Variants in ELOVL7 observed in about 807,000 individuals in gnomAD.
ELOVL7 encodes the protein ELOVL fatty acid elongase 7, also known as very long chain fatty acid elongase 7.
ELOVL7 carries 27 observed loss-of-function variants against 35.7 expected under a neutral mutation model. The observed-to-expected ratio is 0.76, with a 90% confidence interval of 0.56 to 1.04. The LOEUF is 1.04. ELOVL7 is among the 50% of genes least tolerant of loss of function. ELOVL7 has a pLI of 0.00. For missense variants in ELOVL7, 327 were observed against 340.8 expected (o/e 0.96, Z 0.32); for synonymous variants, 113 against 114.6 (o/e 0.99, Z 0.09).
At chr5:60,778,292 T>C (rs1470548173) in intron 3 of ELOVL7, among the ~76,000 whole-genome samples, 1 of 152,194 alleles carries the variant, frequency 6.6e-6, no homozygotes, top group East Asian at 1.9e-4. Flanking sequence ...TTAGAACTGA[T>C]CAAACTTTGA....
At chr5:60,830,335 GA>G (rs1746407675) in intron 1 of ELOVL7, among the ~76,000 whole-genome samples, 1 of 152,150 alleles carries the variant, frequency 6.6e-6, no homozygotes, top group Non-Finnish European at 1.5e-5. Flanking sequence ...AAGTGATGAA[GA>G]AAATAAAGCA....
Position 60,751,994 on chromosome 5 carries a change from A to G in ELOVL7, c.*2630T>C, listed in dbSNP as rs916304038. 4 of 152,196 alleles carry G rather than the reference A, an allele frequency of 2.6e-5. No homozygotes were observed. The highest frequency in any genetic ancestry group is 5.9e-5 in the Non-Finnish European group (4 of 68,040). The allele number at this position is 152,196 out of a possible 1,614,324, so 9.4% of individuals were successfully genotyped here. On this transcript the variant is annotated 3_prime_UTR_variant, in exon 9 of 9. Transcript: ENST00000508821. ...AAATCTATATTTGTATTTATTTATA[A>G]TATAGATATAGGCCCTCAAGGATTC...
At chr5:60,838,838 A>G (rs1355696444) in intron 1 of ELOVL7, among the ~76,000 whole-genome samples, 1 of 151,598 alleles carries the variant, frequency 6.6e-6, no homozygotes, top group East Asian at 1.9e-4. Flanking sequence ...AGCCTGGCCA[A>G]CATAGTGAAA....
At chr5:60,764,733 A>C (rs1742134816) in intron 6 of ELOVL7, among the ~76,000 whole-genome samples, 1 of 152,196 alleles carries the variant, frequency 6.6e-6, no homozygotes, top group Non-Finnish European at 1.5e-5. Context: ...AATACATCTT[A>C]CTGATATGGA....
chr5:60,819,498 T>C (rs139141059), intron 1 of ELOVL7, among the ~76,000 whole-genome samples: 3 of 152,204 alleles, frequency 2.0e-5, no homozygotes, highest in African/African-American at 4.8e-5. Context: ...ACCACGATCA[T>C]AGGCTGGGAA....
chr5:60,801,021 G>A (rs901452980), intron 1 of ELOVL7, among the ~76,000 whole-genome samples: 2 of 152,142 alleles, frequency 1.3e-5, no homozygotes, highest in Non-Finnish European at 2.9e-5. Flanking sequence ...TTGATCTCCT[G>A]GGCTAAGGAA....
chr5:60,789,745 A>T (rs1212620926), intron 2 of ELOVL7, among the ~76,000 whole-genome samples: 2 of 152,252 alleles, frequency 1.3e-5, no homozygotes, highest in East Asian at 3.8e-4. Flanking sequence ...ATAAGTGATA[A>T]CAGATTTAAC....
intron 7 of ELOVL7, 22 bp from the exon 8 acceptor site, chr5:60,757,667 A>G (rs1741626750): frequency 6.5e-7 from 1 of 1,533,718 alleles, no homozygotes; most frequent in Admixed American, 1.8e-5. Flanking sequence ...AATTATTGTA[A>G]CATGGGGCCA....
At chr5:60,789,060 TTAAG>T (rs1579842123) in intron 2 of ELOVL7, among the ~76,000 whole-genome samples, 1 of 151,738 alleles carries the variant, frequency 6.6e-6, no homozygotes, top group South Asian at 2.1e-4. Flanking sequence ...AAGCAAATAT[TTAAG>T]TAAGAACAAC....
chr5:60,815,887 T>C (rs1745487939), intron 1 of ELOVL7, among the ~76,000 whole-genome samples: 1 of 152,202 alleles, frequency 6.6e-6, no homozygotes, highest in Non-Finnish European at 1.5e-5. Flanking sequence ...TGGCAGTTTT[T>C]ATCTGAGGTC....
intron 6 of ELOVL7, among the ~76,000 whole-genome samples, chr5:60,765,972 A>T (rs1482868420): frequency 6.6e-6 from 1 of 152,196 alleles, no homozygotes. Flanking sequence ...TCTAAATCAC[A>T]GACGCTAATT....
intron 1 of ELOVL7, among the ~76,000 whole-genome samples, chr5:60,800,614 A>C (rs1282972466): frequency 6.6e-6 from 1 of 152,156 alleles, no homozygotes; most frequent in Non-Finnish European, 1.5e-5. Flanking sequence ...ATAGAAATTT[A>C]TTTCTCACAG....
intron 4 of ELOVL7, among the ~76,000 whole-genome samples, chr5:60,770,398 G>C (rs1742508959): frequency 6.6e-6 from 1 of 152,180 alleles, no homozygotes; most frequent in African/African-American, 2.4e-5. Flanking sequence ...CTGAGGCCCA[G>C]AGAGGTTAAA....
chr5:60,817,552 GGT>G (rs909050288), intron 1 of ELOVL7, among the ~76,000 whole-genome samples: 3 of 147,450 alleles, frequency 2.0e-5, no homozygotes, highest in African/African-American at 7.5e-5. Context: ...TAAAACAAAT[GGT>G]GTGTGTGTGT....
chr5:60,793,612 G>A (rs2112259841), intron 2 of ELOVL7, among the ~76,000 whole-genome samples: 1 of 152,264 alleles, frequency 6.6e-6, no homozygotes, highest in East Asian at 1.9e-4. Context: ...CTGCTGCTAA[G>A]GGGATGTGGA....
At chr5:60,774,710 CTGA>C (rs1323401051) in intron 3 of ELOVL7, among the ~76,000 whole-genome samples, 1 of 151,040 alleles carries the variant, frequency 6.6e-6, no homozygotes, top group Non-Finnish European at 1.5e-5. Flanking sequence ...TCCCTGCTTG[CTGA>C]TGATATGATC....
intron 1 of ELOVL7, among the ~76,000 whole-genome samples, chr5:60,817,637 G>C (rs1243388021): frequency 2.8e-5 from 4 of 144,474 alleles, no homozygotes; most frequent in African/African-American, 1.0e-4. Flanking sequence ...ATGTATATTA[G>C]TATATATATT....
intron 4 of ELOVL7, among the ~76,000 whole-genome samples, chr5:60,769,607 A>G (rs1742451058): frequency 1.3e-5 from 2 of 152,246 alleles, no homozygotes; most frequent in South Asian, 4.1e-4. Context: ...ACTCCATACA[A>G]TAAACCATGT....
intron 3 of ELOVL7, among the ~76,000 whole-genome samples, chr5:60,782,970 T>C (rs982081054): frequency 5.9e-5 from 9 of 152,228 alleles, no homozygotes; most frequent in Non-Finnish European, 1.0e-4. Context: ...TATTTGGTGA[T>C]GGATATGCTA....
Sources: allele counts gnomAD v4.1 joint callset (sites outside exome capture counted in the v4.1 genomes callset), GRCh38; gene constraint gnomAD v4.1.1; transcripts MANE v1.5; gene names NCBI Gene and HGNC (gene_info 2026-07-23, HGNC 2026-07-21).